SPAG1: variants seen among roughly 807,000 people sequenced by gnomAD.
SPAG1 encodes sperm-associated antigen 1.
In SPAG1, 69 loss-of-function variants were observed where a neutral mutation model predicts 100.5. The observed-to-expected ratio is 0.69, with a 90% CI of 0.57 to 0.84. SPAG1 has a LOEUF of 0.84. SPAG1 is among the 40% of genes least tolerant of loss of function. SPAG1 has a pLI of 0.00. For synonymous variants in SPAG1, 336 were observed against 411.6 expected (o/e 0.82, Z 2.22); for missense variants, 955 against 1,133.1 (o/e 0.84, Z 2.26).
intron 3 of SPAG1, 109 bp downstream of exon 3, chr8:100,166,082 T>C: frequency 4.1e-6 from 4 of 964,910 alleles, no homozygotes; most frequent in Non-Finnish European, 6.0e-6. Flanking sequence ...GGGCTTTTAG[T>C]GTCAATTAGG....
intron 16 of SPAG1, 113 bp downstream of exon 16, chr8:100,233,650 A>G (rs1374145690): frequency 9.1e-7 from 1 of 1,099,938 alleles, no homozygotes; most frequent in Non-Finnish European, 1.3e-6. Context: ...CTTGGATTTA[A>G]TCCTAGAACT....
At chr8:100,184,987 C>G (rs534091208) in intron 7 of SPAG1, among the ~76,000 whole-genome samples, 1 of 152,290 alleles carries the variant, frequency 6.6e-6, no homozygotes, top group South Asian at 2.1e-4. Flanking sequence ...AGGCATCTGA[C>G]AGGAATTCAA....
chr8:100,188,855 T>C (rs1816694524), intron 8 of SPAG1, among the ~76,000 whole-genome samples: 1 of 152,180 alleles, frequency 6.6e-6, no homozygotes, highest in Non-Finnish European at 1.5e-5. Context: ...TTGCCATGGA[T>C]TGCCCTCCAT....
At position 100,213,110 on chromosome 8, in the gene SPAG1, GCCGCGCGCGC is replaced by G; in HGVS notation, c.1119_1128del (p.Ala374ProfsTer13). 6.8e-7 allele frequency: 1 copy of G among 1,481,228 alleles called. No homozygotes were observed. Among genetic ancestry groups the G allele is most frequent in the Non-Finnish European group, 8.9e-7 (1 of 1,123,118 alleles). 91.8% of individuals were successfully genotyped at this position (1,481,228 alleles called of 1,614,324 possible). The stretch of plus-strand genomic sequence containing the variant: ...CACAGAGCCCGCGGAGCCGGCGGGA[GCCGCGCGCGC>G]CGCCCAGCCGTGCGTCATGGGCAAC... On this transcript the variant is annotated frameshift_variant, in exon 11 of 19. Transcript: ENST00000388798. LOFTEE classifies it high-confidence loss of function.
chr8:100,214,228 A>G (rs970753982), intron 12 of SPAG1, among the ~76,000 whole-genome samples: 4 of 152,214 alleles, frequency 2.6e-5, no homozygotes, highest in Admixed American at 2.0e-4. Flanking sequence ...ACTTTCCTGA[A>G]ACATTATTTT....
intron 2 of SPAG1, among the ~76,000 whole-genome samples, chr8:100,162,823 C>T (rs13248578): frequency 4.6e-5 from 7 of 151,984 alleles, no homozygotes; most frequent in African/African-American, 1.2e-4. Context: ...ACAAAAAATA[C>T]GAAAATTACC....
Position 100,238,484 on chromosome 8 carries a change from TCA to T in SPAG1, c.2116-753_2116-752del, listed in dbSNP as rs1245693237. 2.0e-5 allele frequency among the ~76,000 whole-genome samples: 3 copies of T among 152,344 alleles called. No homozygotes were observed. The South Asian group carries it at 6.2e-4, about 32-fold the overall frequency. ...CACATCCTTGCAATTCTTTGCCTCTTCACAGTTTGGTTTATTCAAAACATGGG... is the reference window on the plus strand; with the variant it reads ...CACATCCTTGCAATTCTTTGCCTCTTCAGTTTGGTTTATTCAAAACATGGG... On this transcript the variant is annotated intron_variant, in intron 16 of 18. Transcript: ENST00000388798.
In SPAG1 at chr8:100,240,439, G is replaced by C; in HGVS notation, c.2317G>C (p.Gly773Arg). Residue 773 changes from glycine to arginine, a missense_variant, in exon 18 of 19, where the codon GGG (glycine) becomes CGG (arginine). By Grantham distance (125) the Gly-to-Arg change is moderately radical (BLOSUM62 -2). Coordinates refer to ENST00000388798, the MANE Select transcript of SPAG1 (RefSeq NM_003114.5). ...EGKEEPGRPAGEVSMGCLASE... is the reference protein window; with the variant it reads ...EGKEEPGRPAREVSMGCLASE... ...CAAGGAGGAGCCTGGAAGACCTGCA[G>C]GGGAGGTCTCCATGGGATGCCTTGC... The C allele has an allele frequency of 6.2e-7, 1 of 1,611,624 alleles. No homozygotes were observed. The highest frequency in any genetic ancestry group is 8.5e-7 in the Non-Finnish European group (1 of 1,178,934).
chr8:100,240,668 C>T lies in SPAG1; in HGVS notation c.2546C>T (p.Thr849Ile), dbSNP rs757977437. The T allele has an allele frequency of 8.7e-6, 14 of 1,613,950 alleles. No homozygotes were observed. The Admixed American group carries it at 2.3e-4, about 27-fold the overall frequency. ...TTAAGTAACAAACTTGAAGGGGATACATTCCTTCTCCTCATTCAGTCTCTG... is the reference window on the plus strand; with the variant it reads ...TTAAGTAACAAACTTGAAGGGGATATATTCCTTCTCCTCATTCAGTCTCTG... ...MFLSNKLEGD[T>I]FLLLIQSLKN... Residue 849 changes from threonine to isoleucine, a missense_variant, in exon 18 of 19, where the codon ACA (threonine) becomes ATA (isoleucine). Coordinates refer to ENST00000388798, the MANE Select transcript of SPAG1 (RefSeq NM_003114.5).
intron 6 of SPAG1, 73 bp from the exon 7 acceptor site, chr8:100,184,555 C>A: frequency 1.5e-6 from 1 of 680,394 alleles, no homozygotes; most frequent in Non-Finnish European, 2.3e-6. Flanking sequence ...TTAAAATAAG[C>A]ATTCTTAGAT....
At chr8:100,184,820 C>T in intron 7 of SPAG1, 87 bp downstream of exon 7, 1 of 740,918 alleles carries the variant, frequency 1.3e-6, no homozygotes, top group Non-Finnish European at 2.2e-6. Flanking sequence ...AAGCGAAAGT[C>T]TATGTCAGAA....
rs372203176 is a variant in SPAG1 at position 100,207,102 on chromosome 8, G to A, written c.1097-5988G>A. On this transcript the variant is annotated intron_variant, in intron 10 of 18. Transcript: ENST00000388798. ...GCTCTTGGCCTGTTACTGGGCTTTGGTGGAAACTGAACATTTGACTATGGG... is the reference window on the plus strand; with the variant it reads ...GCTCTTGGCCTGTTACTGGGCTTTGATGGAAACTGAACATTTGACTATGGG... Among the ~76,000 whole-genome samples the A allele has an allele frequency of 3.1e-4, 47 of 152,298 alleles. 1 individual carries two copies. In the South Asian group the frequency reaches 9.7e-3, roughly 32 times the overall value.
In SPAG1 at chr8:100,186,547, C is replaced by T. The variant is rs561537380; in HGVS notation, c.702-573C>T. On this transcript the variant is annotated intron_variant, in intron 7 of 18. Coordinates refer to ENST00000388798, the MANE Select transcript of SPAG1 (RefSeq NM_003114.5). Reference sequence around the variant, plus strand: ...ATAATGCCTCTAAAGCCTGAGTTAACTTTAAGGCTATTAACTGGATATTTA... The same window carrying T: ...ATAATGCCTCTAAAGCCTGAGTTAATTTTAAGGCTATTAACTGGATATTTA... Among the ~76,000 whole-genome samples the T allele has an allele frequency of 1.7e-4, 26 of 152,108 alleles. No individual in the cohort carries two copies. In the East Asian group the frequency reaches 4.6e-3, roughly 27 times the overall value.
intron 3 of SPAG1, among the ~76,000 whole-genome samples, chr8:100,177,209 CTG>C (rs1816169418): frequency 6.6e-6 from 1 of 152,162 alleles, no homozygotes; most frequent in Non-Finnish European, 1.5e-5. Context: ...TATGTGAGAA[CTG>C]TGAGAGATCA....
At chr8:100,177,247 T>C (rs895583573) in intron 3 of SPAG1, among the ~76,000 whole-genome samples, 48 of 152,206 alleles carry the variant, frequency 3.2e-4, no homozygotes, top group African/African-American at 1.2e-3. Context: ...TGCAGTTTAC[T>C]AGAGACAAAC....
intron 6 of SPAG1, 127 bp from the exon 7 acceptor site, chr8:100,184,501 T>G: frequency 2.0e-6 from 1 of 505,572 alleles, no homozygotes; most frequent in East Asian, 3.6e-5. Context: ...ACCTTTTATT[T>G]TCTTTTGTTT....
In SPAG1 at chr8:100,176,807, C is replaced by CCCTCTCCTCTCCTCTCCTCTCCTCT. The variant is rs140625738; in HGVS notation, c.301-998_301-974dup. On this transcript the variant is annotated intron_variant, in intron 3 of 18. Transcript: ENST00000388798. The stretch of plus-strand genomic sequence containing the variant: ...GATGCAATGATGGCCTCATAAATTT[C>CCCTCTCCTCTCCTCTCCTCTCCTCT]CCTCTCCTCTCCTCTCCTCTCCTCT... Among the ~76,000 whole-genome samples, 156 of 116,342 alleles carry CCCTCTCCTCTCCTCTCCTCTCCTCT rather than the reference C, an allele frequency of 1.3e-3. 2 individuals carry two copies. The highest frequency in any genetic ancestry group is 2.0e-3 in the African/African-American group (56 of 28,680). The allele number at this position is 116,342 out of a possible 152,430, so 76.3% of individuals were successfully genotyped here.
intron 13 of SPAG1, among the ~76,000 whole-genome samples, chr8:100,222,869 A>T (rs1299626928): frequency 2.0e-5 from 3 of 152,190 alleles, no homozygotes; most frequent in Non-Finnish European, 4.4e-5. Flanking sequence ...TTCTAGTTCC[A>T]AAACATTTCC....
At chr8:100,235,197 C>CTG (rs879626714) in intron 16 of SPAG1, among the ~76,000 whole-genome samples, 4 of 152,030 alleles carry the variant, frequency 2.6e-5, no homozygotes, top group Non-Finnish European at 4.4e-5. Flanking sequence ...GGCCTTCCCT[C>CTG]TGTGTGTGTG....
Sources: allele counts gnomAD v4.1 joint callset (sites outside exome capture counted in the v4.1 genomes callset), GRCh38; gene constraint gnomAD v4.1.1; transcripts MANE v1.5; gene names NCBI Gene and HGNC (gene_info 2026-07-23, HGNC 2026-07-21).